CLK4: variants seen among roughly 807,000 people sequenced by gnomAD.
CLK4 encodes CDC like kinase 4, also known as dual specificity protein kinase CLK4.
CLK4 carries 37 observed loss-of-function variants against 64.4 expected under a neutral mutation model. The observed-to-expected ratio is 0.57, with a 90% CI of 0.44 to 0.76. The LOEUF (loss-of-function observed/expected upper bound fraction) is 0.76, where lower values mean the gene tolerates loss of function less well. Ranked by LOEUF, CLK4 falls within the 30% of genes least tolerant of loss-of-function variation. CLK4 has a pLI of 0.00. For synonymous variants in CLK4, 175 were observed against 191.6 expected, an observed-to-expected ratio of 0.91 and a Z score of 0.72; for missense variants, 457 against 605.1, an observed-to-expected ratio of 0.76 and a Z score of 2.57.
At chr5:178,620,380 G>T (rs1764692847) in intron 2 of CLK4, 1 of 247,514 alleles carries the variant, frequency 4.0e-6, no homozygotes, top group Non-Finnish European at 8.2e-6. Flanking sequence ...CATGGAATTA[G>T]AGCTGCTAAG....
chr5:178,604,538 TG>T (rs1173599612), intron 11 of CLK4: 1 of 151,774 alleles, frequency 6.6e-6, no homozygotes, highest in Non-Finnish European at 1.5e-5. Flanking sequence ...ACCGGTTTCA[TG>T]GAAGCAGATC....
rs1764414330 is a variant in CLK4 at position 178,603,362 on chromosome 5, A to ATAAAT, written c.*254_*255insATTTA. ...CAAGATCAATCACATTTATCACTGG[A>ATAAAT]CACAAAGGATATTTCAAAGGTATTT... On this transcript the variant is annotated 3_prime_UTR_variant, in exon 13 of 13. Transcript: ENST00000316308. 4.3e-6 allele frequency: 1 copy of ATAAAT among 232,808 alleles called. No homozygotes were observed. Among genetic ancestry groups the ATAAAT allele is most frequent in the Non-Finnish European group, 8.3e-6 (1 of 121,204 alleles). The allele number at this position is 232,808 out of a possible 1,614,324, so 14.4% of individuals were successfully genotyped here.
chr5:178,626,595 G>A (rs896883597), intron 1 of CLK4, among the ~76,000 whole-genome samples: 1 of 152,252 alleles, frequency 6.6e-6, no homozygotes. Context: ...ACGAATGCCA[G>A]AGACGGCTCT....
rs867866105 is a variant in CLK4 at position 178,603,061 on chromosome 5, T to A, written c.*556A>T. On this transcript the variant is annotated 3_prime_UTR_variant, in exon 13 of 13. Transcript: ENST00000316308. ...CAAACTGCATGCCTTTCCATGAATG[T>A]CTGGTTATCACCCTGACATCACCCA... 2.6e-5 allele frequency: 4 copies of A among 152,576 alleles called. No homozygotes were observed. The highest frequency in any genetic ancestry group is 9.6e-5 in the African/African-American group (4 of 41,454). The allele number at this position is 152,576 out of a possible 1,614,324, so 9.5% of individuals were successfully genotyped here.
intron 2 of CLK4, chr5:178,619,739 G>C: frequency 3.2e-6 from 4 of 1,252,488 alleles, no homozygotes; most frequent in Non-Finnish European, 3.1e-6. Context: ...AAAGGTCATG[G>C]GCCTCAGGAT....
At position 178,617,375 on chromosome 5, in the gene CLK4, G is replaced by T; in HGVS notation, c.444C>A (p.Ile148=). The change falls in exon 4 of 13, where the codon ATC becomes ATA. Residue 148 remains isoleucine, a synonymous_variant. Coordinates refer to ENST00000316308, the MANE Select transcript of CLK4 (RefSeq NM_020666.3). This position sits in a 1 kb window ranked among gnomAD's most constrained non-coding sequence, Gnocchi z 5.2. ...SIEDDEEGHL[I]CQSGDVLRAR... ...CTCTTAGAACGTCTCCACTTTGACA[G>T]ATCAGGTGACCCTCCTCATCATCCT... 6.2e-7 allele frequency: 1 copy of T among 1,613,978 alleles called. No homozygotes were observed. Among genetic ancestry groups the T allele is most frequent in the Non-Finnish European group, 8.5e-7 (1 of 1,179,850 alleles).
chr5:178,608,558 T>C, intron 9 of CLK4, 100 bp from the exon 10 acceptor site: 1 of 779,054 alleles, frequency 1.3e-6, no homozygotes, highest in Non-Finnish European at 2.0e-6. Flanking sequence ...CAGAACCCAT[T>C]TGGGAGAATA....
Position 178,603,466 on chromosome 5 carries a change from AATTATG to A in CLK4, c.*145_*150del. 2.1e-6 allele frequency: 1 copy of A among 480,538 alleles called. No individual in the cohort carries two copies. The highest frequency in any genetic ancestry group is 7.6e-5 in the South Asian group (1 of 13,194). The allele number at this position is 480,538 out of a possible 1,614,324, so 29.8% of individuals were successfully genotyped here. On this transcript the variant is annotated 3_prime_UTR_variant, in exon 13 of 13. Coordinates refer to ENST00000316308, the MANE Select transcript of CLK4 (RefSeq NM_020666.3). ...CAAGACCATACTTGCTTAACAAGTT[AATTATG>A]CTATTGATACAAAACATACAATATT...
intron 1 of CLK4, among the ~76,000 whole-genome samples, chr5:178,626,740 G>A (rs1453833387): frequency 6.6e-6 from 1 of 152,202 alleles, no homozygotes; most frequent in Non-Finnish European, 1.5e-5. Flanking sequence ...AGCGGCCAGG[G>A]CCCTCAGAGA....
chr5:178,616,088 TTTTTTA>T (rs2113809082), intron 5 of CLK4, among the ~76,000 whole-genome samples: 1 of 152,306 alleles, frequency 6.6e-6, no homozygotes, highest in Non-Finnish European at 1.5e-5. Context: ...ATCATTCTTT[TTTTTTA>T]TTTTTATTTT....
Position 178,608,307 on chromosome 5 carries a change from A to C in CLK4, c.1134+69T>G, listed in dbSNP as rs903329814. On this transcript the variant is annotated intron_variant, in intron 10 of 12. Transcript: ENST00000316308. ...TGGCAATTTTCCAATATGGAAGTCA[A>C]AACTTTAGCATACCTTTAACGTTTA... The C allele has an allele frequency of 1.0e-5, 12 of 1,174,316 alleles. No individual in the cohort carries two copies. The African/African-American group carries it at 1.7e-4, about 17-fold the overall frequency. 72.7% of individuals were successfully genotyped at this position (1,174,316 alleles called of 1,614,324 possible).
Position 178,618,686 on chromosome 5 carries a change from A to G in CLK4, c.254T>C (p.Val85Ala), listed in dbSNP as rs1371808143. The part of the protein sequence containing the change: ...EYRNDYCEGY[V>A]PRHYHRDIES... ...AATGTCTCTGTGATAATGTCTAGGA[A>G]CATATCCTTCACAGTAGTCATTCCT... Residue 85 changes from valine to alanine, a missense_variant, in exon 3 of 13, where the codon GTT becomes GCT. Val to Ala is a moderately conservative substitution (Grantham distance 64). Coordinates refer to ENST00000316308, the MANE Select transcript of CLK4 (RefSeq NM_020666.3). The G allele has an allele frequency of 6.2e-7, 1 of 1,614,012 alleles. No individual in the cohort carries two copies. Among genetic ancestry groups the G allele is most frequent in the Admixed American group, 1.7e-5 (1 of 60,010 alleles).
Position 178,613,586 on chromosome 5 carries a change from A to G in CLK4, c.713T>C (p.Val238Ala). Residue 238 changes from valine to alanine, a missense_variant, in exon 7 of 13, where the codon GTG (valine) becomes GCG (alanine). Transcript: ENST00000316308. Reference sequence around the variant, plus strand: ...AGTACTAAGTCCCAGTAGTTCAAACACAATACAAACATGACCATGATGATC... The same window carrying G: ...AGTACTAAGTCCCAGTAGTTCAAACGCAATACAAACATGACCATGATGATC... ...WFDHHGHVCIVFELLGLSTYD... is the reference protein window; with the variant it reads ...WFDHHGHVCIAFELLGLSTYD... 6.2e-7 allele frequency: 1 copy of G among 1,611,260 alleles called. No homozygotes were observed. Among genetic ancestry groups the G allele is most frequent in the Non-Finnish European group, 8.5e-7 (1 of 1,179,296 alleles).
Position 178,612,830 on chromosome 5 carries a change from T to C in CLK4, c.887A>G (p.Lys296Arg). ...ATTATATTTGACTACATAGTCAGAC[T>C]TCACAAACAAAATATTTTCAGGCTT... ...DLKPENILFV[K>R]SDYVVKYNSK... Residue 296 changes from lysine (K) to arginine (R), a missense_variant, in exon 8 of 13, where the codon AAG becomes AGG. Coordinates refer to ENST00000316308, the MANE Select transcript of CLK4 (RefSeq NM_020666.3). 6.3e-7 allele frequency: 1 copy of C among 1,578,354 alleles called. No individual in the cohort carries two copies. Among genetic ancestry groups the C allele is most frequent in the South Asian group, 1.1e-5 (1 of 89,450 alleles).
Position 178,617,374 on chromosome 5 carries a change from A to C in CLK4, c.445T>G (p.Cys149Gly). ...IEDDEEGHLI[C>G]QSGDVLRARY... ...GCTCTTAGAACGTCTCCACTTTGAC[A>C]GATCAGGTGACCCTCCTCATCATCC... Residue 149 changes from cysteine (C) to glycine (G), a missense_variant, in exon 4 of 13, where the codon TGT becomes GGT. Coordinates refer to ENST00000316308, the MANE Select transcript of CLK4 (RefSeq NM_020666.3). The surrounding 1 kb of genome is among the most constrained non-coding windows in gnomAD (Gnocchi z 5.2). 6.2e-7 allele frequency: 1 copy of C among 1,614,046 alleles called. No homozygotes were observed. The highest frequency in any genetic ancestry group is 8.5e-7 in the Non-Finnish European group (1 of 1,179,878).
chr5:178,619,740 G>C (rs1764678311), intron 2 of CLK4: 2 of 1,255,782 alleles, frequency 1.6e-6, no homozygotes. Flanking sequence ...AAGGTCATGG[G>C]CCTCAGGATG....
At position 178,617,218 on chromosome 5, in the gene CLK4, C is replaced by A; in HGVS notation, c.475+126G>T. ...ACAGAAAAGAAGAAATATAAAAGAA[C>A]AAACAAACCCACAAAAAGCAAAATA... On this transcript the variant is annotated intron_variant, in intron 4 of 12. Coordinates refer to ENST00000316308, the MANE Select transcript of CLK4 (RefSeq NM_020666.3). The surrounding 1 kb of genome is among the most constrained non-coding windows in gnomAD (Gnocchi z 5.2). 1 of 729,336 alleles carries A rather than the reference C, an allele frequency of 1.4e-6. No homozygotes were observed. Among genetic ancestry groups the A allele is most frequent in the Non-Finnish European group, 2.3e-6 (1 of 432,966 alleles). 45.2% of individuals were successfully genotyped at this position (729,336 alleles called of 1,614,324 possible). A position where few individuals can be genotyped will look rare whatever the true frequency, so the allele number is the denominator to read the frequency against.
chr5:178,618,724 G>C lies in CLK4; in HGVS notation c.216C>G (p.Tyr72Ter), dbSNP rs759142609. 6.2e-7 allele frequency: 1 copy of C among 1,613,726 alleles called. No homozygotes were observed. Among genetic ancestry groups the C allele is most frequent in the Non-Finnish European group, 8.5e-7 (1 of 1,179,818 alleles). The change falls in exon 3 of 13, where the codon TAC (tyrosine) becomes TAG (stop). Residue 72 changes from tyrosine to a stop codon, truncating the protein, a stop_gained. Transcript: ENST00000316308. LOFTEE classifies it high-confidence loss of function. The stretch of plus-strand genomic sequence containing the variant: ...AGTAGTCATTCCTGTATTCGTCAAC[G>C]TATCTCCGGTCCCGATAATCTCGCT... ...LNERDYRDRR[Y>*]VDEYRNDYCE... is the part of the protein sequence containing the mutation.
intron 9 of CLK4, among the ~76,000 whole-genome samples, chr5:178,609,862 T>C (rs993203965): frequency 1.3e-5 from 2 of 150,768 alleles, no homozygotes; most frequent in South Asian, 2.1e-4. Context: ...TGAGCTGAGA[T>C]TGCACCACTG....
Sources: allele counts gnomAD v4.1 joint callset (sites outside exome capture counted in the v4.1 genomes callset), GRCh38; gene constraint gnomAD v4.1.1; non-coding constraint Gnocchi (gnomAD v3.1); transcripts MANE v1.5; gene names NCBI Gene and HGNC (gene_info 2026-07-23, HGNC 2026-07-21).